Variants in SLC35F4 observed in about 807,000 individuals in gnomAD.
SLC35F4 encodes the protein chromosome 14 open reading frame 36.
A neutral mutation model predicts 44.2 loss-of-function variants in SLC35F4; 24 were observed. The ratio of observed to expected loss-of-function variants is 0.54; its 90% confidence interval spans 0.39 to 0.76. The LOEUF is 0.76. Among genes scored for constraint, SLC35F4 ranks in the 30% least tolerant of loss-of-function variants. The pLI is 0.00. For synonymous variants in SLC35F4, 238 were observed against 223.6 expected (o/e 1.06, Z -0.57); for missense variants, 562 against 586.1 (o/e 0.96, Z 0.42).
intron 1 of SLC35F4, among the ~76,000 whole-genome samples, chr14:57,832,884 C>T (rs1032639626): frequency 1.3e-5 from 2 of 152,092 alleles, no homozygotes; most frequent in Admixed American, 6.5e-5. Context: ...CTTGAGAAAA[C>T]GTGGTGAAAT....
intron 1 of SLC35F4, among the ~76,000 whole-genome samples, chr14:57,914,476 T>C (rs1025878856): frequency 2.6e-5 from 4 of 151,634 alleles, no homozygotes; most frequent in East Asian, 2.0e-4. Context: ...GGCAGGAGAA[T>C]GGCGTGAACC....
In SLC35F4 at chr14:57,758,001, A is replaced by ATGTGTGTGTGTGTG. The variant is rs34860997; in HGVS notation, c.103+107708_103+107721dup. On this transcript the variant is annotated intron_variant, in intron 1 of 7. Coordinates refer to ENST00000556826, the MANE Select transcript of SLC35F4 (RefSeq NM_001306087.2). ...TTTCTGGGTATAGGATTATAGGTTC[A>ATGTGTGTGTGTGTG]TGTGTGTGTGTGTGTGTGTGTGTGT... 9.1e-4 allele frequency among the ~76,000 whole-genome samples: 118 copies of ATGTGTGTGTGTGTG among 129,016 alleles called. 1 individual carries two copies. In the Middle Eastern group the frequency reaches 0.02, roughly 22 times the overall value. 84.6% of individuals were successfully genotyped at this position (129,016 alleles called of 152,430 possible).
intron 1 of SLC35F4, among the ~76,000 whole-genome samples, chr14:57,953,425 C>T (rs112841429): frequency 2.6e-5 from 4 of 152,278 alleles, no homozygotes; most frequent in African/African-American, 7.2e-5. Flanking sequence ...CAAATTCACA[C>T]ATAACAATAC....
chr14:57,750,907 T>C (rs1386331853), intron 1 of SLC35F4, among the ~76,000 whole-genome samples: 1 of 152,192 alleles, frequency 6.6e-6, no homozygotes, highest in Non-Finnish European at 1.5e-5. Context: ...ATGGCTGGTC[T>C]TTCCTTTGGC....
At chr14:57,916,535 GA>G (rs1889333314) in intron 1 of SLC35F4, among the ~76,000 whole-genome samples, 1 of 152,134 alleles carries the variant, frequency 6.6e-6, no homozygotes, top group Non-Finnish European at 1.5e-5. Context: ...TAACTGGGGG[GA>G]AATTCTTAGT....
At chr14:57,895,993 T>C (rs1888861130) in intron 1 of SLC35F4, among the ~76,000 whole-genome samples, 1 of 152,108 alleles carries the variant, frequency 6.6e-6, no homozygotes, top group Admixed American at 6.6e-5. Flanking sequence ...GAGCCATGCT[T>C]TAGATGCACA....
intron 1 of SLC35F4, among the ~76,000 whole-genome samples, chr14:57,641,357 G>T (rs1227314069): frequency 1.3e-5 from 2 of 151,900 alleles, no homozygotes; most frequent in African/African-American, 4.8e-5. Flanking sequence ...GAATAAGATT[G>T]CCAGGTGAAC....
At chr14:57,889,162 C>T (rs761639925) in intron 1 of SLC35F4, among the ~76,000 whole-genome samples, 2 of 152,194 alleles carry the variant, frequency 1.3e-5, no homozygotes, top group Non-Finnish European at 2.9e-5. Context: ...CCTATATAAA[C>T]GATTTGGCTT....
chr14:57,673,459 T>A (rs1361250490), intron 1 of SLC35F4, among the ~76,000 whole-genome samples: 1 of 152,116 alleles, frequency 6.6e-6, no homozygotes, highest in Non-Finnish European at 1.5e-5. Flanking sequence ...ATAATACCTT[T>A]CATAGGGTCC....
intron 1 of SLC35F4, among the ~76,000 whole-genome samples, chr14:57,696,219 T>G (rs762620313): frequency 1.3e-5 from 2 of 152,150 alleles, no homozygotes; most frequent in Non-Finnish European, 2.9e-5. Context: ...TACAAGGAAC[T>G]TAAACAAATT....
At chr14:57,652,785 T>C (rs1340647166) in intron 1 of SLC35F4, among the ~76,000 whole-genome samples, 3 of 152,184 alleles carry the variant, frequency 2.0e-5, no homozygotes, top group Admixed American at 1.3e-4. Context: ...TCCTGACTTA[T>C]GCTAAAATGT....
chr14:57,751,979 G>C (rs2076895439), intron 1 of SLC35F4, among the ~76,000 whole-genome samples: 1 of 151,740 alleles, frequency 6.6e-6, no homozygotes, highest in South Asian at 2.1e-4. Context: ...CCACAACCAG[G>C]TGATTCATTA....
intron 1 of SLC35F4, among the ~76,000 whole-genome samples, chr14:57,934,544 C>A (rs1006965604): frequency 1.3e-5 from 2 of 151,860 alleles, no homozygotes; most frequent in African/African-American, 4.8e-5. Context: ...AAAGTTTAAC[C>A]ATCCAGGCTG....
chr14:57,895,322 T>C (rs1888848998), intron 1 of SLC35F4, among the ~76,000 whole-genome samples: 1 of 152,248 alleles, frequency 6.6e-6, no homozygotes. Flanking sequence ...GACCTGCTTC[T>C]GCCTCCTGTT....
chr14:57,642,537 T>C (rs1370866828), intron 1 of SLC35F4, among the ~76,000 whole-genome samples: 2 of 152,090 alleles, frequency 1.3e-5, no homozygotes, highest in South Asian at 4.1e-4. Context: ...TGAGTTTATA[T>C]TCACATGAAA....
chr14:57,671,363 G>A (rs535373750), intron 1 of SLC35F4, among the ~76,000 whole-genome samples: 23 of 152,036 alleles, frequency 1.5e-4, no homozygotes, highest in Admixed American at 5.2e-4. Context: ...GAGAGGGGAG[G>A]ACTTTGTCTT....
chr14:57,726,087 G>A (rs1294307400), intron 1 of SLC35F4, among the ~76,000 whole-genome samples: 2 of 152,126 alleles, frequency 1.3e-5, no homozygotes, highest in Non-Finnish European at 2.9e-5. Context: ...AGTGTTGGCT[G>A]GGGTGATTGA....
At chr14:57,721,612 A>T (rs1015223260) in intron 1 of SLC35F4, among the ~76,000 whole-genome samples, 2 of 152,226 alleles carry the variant, frequency 1.3e-5, no homozygotes, top group Non-Finnish European at 2.9e-5. Context: ...GCACAGCATC[A>T]CAAGGTGTCT....
chr14:57,572,049 A>T, intron 4 of SLC35F4, 30 bp from the exon 5 acceptor site: 1 of 1,596,636 alleles, frequency 6.3e-7, no homozygotes, highest in Middle Eastern at 1.7e-4. Context: ...GAAACAGAAA[A>T]GCAATGATCC....
Sources: gnomAD v4.1 joint callset for allele counts (sites outside exome capture counted in the v4.1 genomes callset) on GRCh38, gnomAD v4.1.1 for gene constraint, MANE v1.5 for transcripts, NCBI Gene and HGNC (gene_info 2026-07-23, HGNC 2026-07-21) for gene names.